FAM184A: variants seen among roughly 807,000 people sequenced by gnomAD.
FAM184A encodes family with sequence similarity 184 member A.
A neutral mutation model predicts 143.8 loss-of-function variants in FAM184A; 99 were observed. The observed-to-expected ratio is 0.69, with a 90% CI of 0.58 to 0.81. The LOEUF (loss-of-function observed/expected upper bound fraction) is 0.81. Ranked by LOEUF, FAM184A falls within the 40% of genes least tolerant of loss-of-function variation. The pLI is 0.00. For missense variants in FAM184A, 1,217 were observed against 1,310.5 expected (o/e 0.93, Z 1.10); for synonymous variants, 427 against 446.4 (o/e 0.96, Z 0.55).
Position 119,078,007 on chromosome 6 carries a change from C to T in FAM184A, c.159+134G>A. Reference sequence around the variant, plus strand: ...AAAGTTTGCAGGGTTTTGGAGGTGTCTCCGGCTGTTGCTTCGGCGGAGGAG... The same window carrying T: ...AAAGTTTGCAGGGTTTTGGAGGTGTTTCCGGCTGTTGCTTCGGCGGAGGAG... On this transcript the variant is annotated intron_variant, in intron 1 of 17. Coordinates refer to ENST00000338891, the MANE Select transcript of FAM184A (RefSeq NM_024581.6). This position sits in a 1 kb window ranked among gnomAD's most constrained non-coding sequence, Gnocchi z 5.5. 4 of 1,068,076 alleles carry T rather than the reference C, an allele frequency of 3.7e-6. No homozygotes were observed. The highest frequency in any genetic ancestry group is 2.8e-5 in the East Asian group (1 of 35,482). The allele number at this position is 1,068,076 out of a possible 1,614,324, so 66.2% of individuals were successfully genotyped here. A position where few individuals can be genotyped will look rare whatever the true frequency, so the allele number is the denominator to read the frequency against.
chr6:119,081,728 C>T (rs1050547666), upstream of FAM184A, among the ~76,000 whole-genome samples: 4 of 152,204 alleles, frequency 2.6e-5, no homozygotes, highest in East Asian at 1.9e-4. Context: ...TTGGGCCACT[C>T]GACAGCCCAG....
In FAM184A at chr6:118,969,798, G is replaced by A. The variant is rs1312273047; in HGVS notation, c.2916-2846C>T. ...TTCTCCTCATGCTATCCCTCCCCCTGCCCCCCACCCCGTGACAGGCCCTGG... is the reference window on the plus strand; with the variant it reads ...TTCTCCTCATGCTATCCCTCCCCCTACCCCCCACCCCGTGACAGGCCCTGG... On this transcript the variant is annotated intron_variant, in intron 14 of 17. Coordinates refer to ENST00000338891, the MANE Select transcript of FAM184A (RefSeq NM_024581.6). 2.0e-4 allele frequency among the ~76,000 whole-genome samples: 19 copies of A among 95,242 alleles called. No individual in the cohort carries two copies. The East Asian group carries it at 5.5e-3, about 28-fold the overall frequency. The allele number at this position is 95,242 out of a possible 152,430, so 62.5% of individuals were successfully genotyped here.
At chr6:119,113,513 C>A (rs1788984159) in intron 1 of FAM184A, among the ~76,000 whole-genome samples, 1 of 152,096 alleles carries the variant, frequency 6.6e-6, no homozygotes, top group African/African-American at 2.4e-5. Flanking sequence ...TACCATACAA[C>A]TATAGTTCTC....
At chr6:118,975,369 C>T (rs370990832) in intron 12 of FAM184A, among the ~76,000 whole-genome samples, 161 bp from the exon 13 acceptor site, 1 of 152,310 alleles carries the variant, frequency 6.6e-6, no homozygotes, top group East Asian at 1.9e-4. Context: ...AAGGCCTGTT[C>T]TCTTTCCACA....
chr6:119,079,455 G>A (rs1224240889), upstream of FAM184A, among the ~76,000 whole-genome samples: 3 of 152,196 alleles, frequency 2.0e-5, no homozygotes, highest in Non-Finnish European at 2.9e-5. Context: ...GGGCCAAAAT[G>A]TGTCATAACT....
At chr6:119,045,644 C>G (rs552457694) in intron 1 of FAM184A, among the ~76,000 whole-genome samples, 1 of 152,130 alleles carries the variant, frequency 6.6e-6, no homozygotes, top group African/African-American at 2.4e-5. Flanking sequence ...ACCAGACTGC[C>G]TGCCTGCCTC....
At chr6:119,059,724 G>T (rs1002865552) in intron 1 of FAM184A, among the ~76,000 whole-genome samples, 3 of 152,136 alleles carry the variant, frequency 2.0e-5, no homozygotes, top group Admixed American at 2.0e-4. Context: ...TAAACATTCT[G>T]TCAGGTATAA....
intron 1 of FAM184A, among the ~76,000 whole-genome samples, chr6:119,127,044 G>C (rs942990424): frequency 6.6e-6 from 1 of 152,164 alleles, no homozygotes; most frequent in Non-Finnish European, 1.5e-5. Context: ...GGGTTTTTAT[G>C]AGTGCAGGAT....
At chr6:119,010,650 G>A (rs1785061050) in intron 6 of FAM184A, among the ~76,000 whole-genome samples, 1 of 151,956 alleles carries the variant, frequency 6.6e-6, no homozygotes, top group Admixed American at 6.6e-5. Flanking sequence ...TTTTGCTTAT[G>A]GTGTGTTTTG....
At chr6:118,978,623 C>T (rs75724363) in intron 11 of FAM184A, among the ~76,000 whole-genome samples, 2 of 152,226 alleles carry the variant, frequency 1.3e-5, no homozygotes, top group South Asian at 2.1e-4. Flanking sequence ...GCAACATTAT[C>T]GATGAGAAAC....
At chr6:119,053,754 T>C (rs978671552) in intron 1 of FAM184A, among the ~76,000 whole-genome samples, 10 of 152,144 alleles carry the variant, frequency 6.6e-5, no homozygotes, top group African/African-American at 2.2e-4. Context: ...CTTTACTAAA[T>C]ACAAAGATAA....
At chr6:119,073,679 A>G (rs928780754) in intron 1 of FAM184A, among the ~76,000 whole-genome samples, 1 of 152,226 alleles carries the variant, frequency 6.6e-6, no homozygotes, top group African/African-American at 2.4e-5. Flanking sequence ...AAGCCTAGGG[A>G]AAAAGGCTTT....
chr6:119,083,442 T>G (rs901297208), upstream of FAM184A, among the ~76,000 whole-genome samples: 1 of 152,240 alleles, frequency 6.6e-6, no homozygotes, highest in Non-Finnish European at 1.5e-5. Context: ...TCTGCTTCCC[T>G]TTTAAATAGA....
chr6:118,988,550 T>C (rs1335572716), intron 9 of FAM184A, among the ~76,000 whole-genome samples: 2 of 152,232 alleles, frequency 1.3e-5, no homozygotes, highest in Non-Finnish European at 2.9e-5. Context: ...TGAGTTGCGG[T>C]GAAAACCGCC....
At chr6:119,145,028 C>T (rs1429908968) in intron 1 of FAM184A, among the ~76,000 whole-genome samples, 1 of 152,216 alleles carries the variant, frequency 6.6e-6, no homozygotes, top group African/African-American at 2.4e-5. Context: ...GTCCACTCTC[C>T]ACCCTTCTCT....
chr6:118,975,179 A>G lies in FAM184A; in HGVS notation c.2613T>C (p.Asp871=). The change falls in exon 13 of 18, where the codon GAT becomes GAC. Residue 871 remains aspartate (D), a synonymous_variant. Transcript: ENST00000338891. ...CTCTGTGTCTTAATTCCTCTTGTAG[A>G]TCTGTAATTCTACATATGTGCTCCT... ...QSKEHICRIT[D]LQEELRHREH... is the part of the protein sequence containing the mutation. 1 of 1,607,754 alleles carries G rather than the reference A, an allele frequency of 6.2e-7. No homozygotes were observed. The highest frequency in any genetic ancestry group is 8.5e-7 in the Non-Finnish European group (1 of 1,177,104).
intron 1 of FAM184A, among the ~76,000 whole-genome samples, chr6:119,069,337 C>T (rs113346094): frequency 2.6e-5 from 4 of 152,008 alleles, no homozygotes; most frequent in African/African-American, 9.6e-5. Context: ...ATTCACTAGG[C>T]GAAACATCTA....
intron 1 of FAM184A, among the ~76,000 whole-genome samples, chr6:119,053,729 A>G (rs968572835): frequency 6.6e-6 from 1 of 152,214 alleles, no homozygotes; most frequent in Non-Finnish European, 1.5e-5. Flanking sequence ...TGGAAAAATG[A>G]TTGACAACCA....
chr6:118,994,071 C>T (rs1784465481), intron 9 of FAM184A, among the ~76,000 whole-genome samples: 1 of 152,138 alleles, frequency 6.6e-6, no homozygotes, highest in South Asian at 2.1e-4. Context: ...TTCTTCTGGC[C>T]AGGTCTCAGG....
Sources: allele counts gnomAD v4.1 joint callset (sites outside exome capture counted in the v4.1 genomes callset), GRCh38; gene constraint gnomAD v4.1.1; non-coding constraint Gnocchi (gnomAD v3.1); transcripts MANE v1.5; gene names NCBI Gene and HGNC (gene_info 2026-07-23, HGNC 2026-07-21).